The following STK33 variants were observed in gnomAD, a reference collection of about 807,000 sequenced individuals.
The protein encoded by STK33 is serine/threonine-protein kinase 33.
Under a neutral mutation model 58.0 loss-of-function variants are expected in STK33, and 52 were observed. The ratio of observed to expected loss-of-function variants is 0.90; its 90% CI spans 0.72 to 1.13. The LOEUF (loss-of-function observed/expected upper bound fraction) is 1.13. Among genes scored for constraint, STK33 ranks in the 50% most tolerant of loss-of-function variants. STK33 has a pLI of 0.00. For missense variants in STK33, 630 were observed against 604.2 expected, an observed-to-expected ratio of 1.04 and a Z score of -0.45; for synonymous variants, 215 against 200.1, an observed-to-expected ratio of 1.07 and a Z score of -0.63.
At chr11:8,553,205 A>ATATATATATATATATATATGGTGTG (rs1565347761) in intron 1 of STK33, among the ~76,000 whole-genome samples, 14 of 92,486 alleles carry the variant, frequency 1.5e-4, no homozygotes, top group Admixed American at 3.4e-4. Flanking sequence ...TATGGTGTAT[A>ATATATATATATATATATATGGTGTG]TATATATATA....
At chr11:8,404,263 TA>T (rs1381325574) in intron 15 of STK33, among the ~76,000 whole-genome samples, 3 of 152,224 alleles carry the variant, frequency 2.0e-5, no homozygotes, top group African/African-American at 7.2e-5. Context: ...GAGAAAAATA[TA>T]AATATCTTTC....
chr11:8,585,961 G>A (rs144204232), intron 1 of STK33, among the ~76,000 whole-genome samples: 8,128 of 152,200 alleles, frequency 0.053, 293 homozygotes, highest in Non-Finnish European at 0.071. Context: ...GCTGAGACAG[G>A]AGAATCGCTT....
chr11:8,549,061 C>A (rs1404453410), intron 1 of STK33, among the ~76,000 whole-genome samples: 1 of 152,056 alleles, frequency 6.6e-6, no homozygotes, highest in African/African-American at 2.4e-5. Flanking sequence ...CCTAAAGACT[C>A]CACCAAAAAA....
rs917052472 is a variant in STK33 at position 8,528,290 on chromosome 11, T to C, written c.-465-47676A>G. ...TGATAAAGTATCTAAAAAGTTACCG[T>C]AAGTTGTACAATTGTCCTTCACCAT... On this transcript the variant is annotated intron_variant, in intron 1 of 15. Transcript: ENST00000687296. 1.5e-4 allele frequency among the ~76,000 whole-genome samples: 23 copies of C among 152,260 alleles called. 1 individual carries two copies. The highest frequency in any genetic ancestry group is 3.3e-4 in the Admixed American group (5 of 15,282).
At chr11:8,486,848 G>C (rs569729965) in intron 1 of STK33, among the ~76,000 whole-genome samples, 3 of 152,160 alleles carry the variant, frequency 2.0e-5, no homozygotes, top group Admixed American at 6.5e-5. Flanking sequence ...ACAAATTCTA[G>C]AGGTATTTAA....
the STK33 span, among the ~76,000 whole-genome samples, chr11:8,339,966 A>G: frequency 2.0e-5 from 3 of 152,222 alleles, no homozygotes; most frequent in African/African-American, 7.2e-5. Flanking sequence ...GAGCTTGTGC[A>G]GAACCCGAGG....
In STK33 at chr11:8,440,667, A is replaced by C. The variant is rs755111351; in HGVS notation, c.947+11T>G. 2 of 1,555,358 alleles carry C rather than the reference A, an allele frequency of 1.3e-6. No homozygotes were observed. The highest frequency in any genetic ancestry group is 3.8e-5 in the Admixed American group (2 of 52,266). On this transcript the variant is annotated intron_variant, in intron 12 of 15. Transcript: ENST00000687296. ...ACTCATCTTAAAGTGTACATTTAGC[A>C]GGCTACTTACAACATGTACATTACG...
intron 1 of STK33, among the ~76,000 whole-genome samples, chr11:8,522,929 T>C (rs1174225973): frequency 2.0e-5 from 3 of 152,138 alleles, no homozygotes; most frequent in Non-Finnish European, 4.4e-5. Flanking sequence ...GTGCCTGGGA[T>C]TGCAGGCGCG....
chr11:8,412,929 C>G (rs1469464980), intron 15 of STK33, among the ~76,000 whole-genome samples: 1 of 152,108 alleles, frequency 6.6e-6, no homozygotes, highest in Non-Finnish European at 1.5e-5. Flanking sequence ...AAACTGCATT[C>G]AGAACTAATA....
At chr11:8,503,265 C>T (rs904679172) in intron 1 of STK33, among the ~76,000 whole-genome samples, 1 of 152,158 alleles carries the variant, frequency 6.6e-6, no homozygotes, top group African/African-American at 2.4e-5. Context: ...GGTACACATA[C>T]ACCATGGAAT....
rs1210968689 is a variant in STK33 at position 8,473,267 on chromosome 11, T to A, written c.235A>T (p.Thr79Ser). ...ITSRKDLPSR[T>S]SNVERKASQQ... is the part of the protein sequence containing the mutation. ...GATGCTTTTCTCTCTACATTTGAGG[T>A]TCTTGAGGGCTGGGACCAAAAAAAA... The change falls in exon 6 of 16, where the codon ACC (threonine) becomes TCC (serine). Residue 79 changes from threonine to serine, a missense_variant. Thr to Ser is a moderately conservative substitution (Grantham distance 58). Transcript: ENST00000687296. 3 of 1,605,638 alleles carry A rather than the reference T, an allele frequency of 1.9e-6. No homozygotes were observed. Among genetic ancestry groups the A allele is most frequent in the South Asian group, 1.1e-5 (1 of 88,976 alleles).
At chr11:8,416,898 T>G (rs77892166) in intron 14 of STK33, among the ~76,000 whole-genome samples, 4,943 of 152,280 alleles carry the variant, frequency 0.032, 292 homozygotes, top group African/African-American at 0.11. Flanking sequence ...TGTTGTCTAA[T>G]GTGCATCTGG....
At chr11:8,398,979 G>T (rs548437030) in intron 15 of STK33, among the ~76,000 whole-genome samples, 1 of 152,216 alleles carries the variant, frequency 6.6e-6, no homozygotes, top group African/African-American at 2.4e-5. Context: ...AGTCCTTAGA[G>T]ACCTACAAAG....
intron 1 of STK33, among the ~76,000 whole-genome samples, chr11:8,544,978 T>G (rs1252626119): frequency 6.6e-6 from 1 of 152,236 alleles, no homozygotes. Context: ...GACACGGTCC[T>G]GCTTACAGTC....
the STK33 span, among the ~76,000 whole-genome samples, chr11:8,359,804 G>T: frequency 1.3e-5 from 2 of 152,384 alleles, no homozygotes; most frequent in Non-Finnish European, 1.5e-5. Flanking sequence ...CACAGGGGTG[G>T]TCTAGCAGAA....
At chr11:8,465,410 A>G (rs575272114) in intron 6 of STK33, 1 of 152,296 alleles carries the variant, frequency 6.6e-6, no homozygotes, top group African/African-American at 2.4e-5. Flanking sequence ...CACTACCCAT[A>G]AAACCATCAT....
intron 1 of STK33, among the ~76,000 whole-genome samples, chr11:8,495,376 T>C (rs1329202278): frequency 1.3e-5 from 2 of 151,972 alleles, no homozygotes; most frequent in Non-Finnish European, 2.9e-5. Context: ...ATTAGAGAAA[T>C]GCAAATCAAA....
the STK33 span, among the ~76,000 whole-genome samples, chr11:8,379,907 G>C: frequency 6.6e-6 from 1 of 152,108 alleles, no homozygotes; most frequent in Non-Finnish European, 1.5e-5. Context: ...GTGTTAGTTT[G>C]CCAAGGATAA....
intron 1 of STK33, among the ~76,000 whole-genome samples, chr11:8,548,378 T>C (rs1956087420): frequency 6.6e-6 from 1 of 152,312 alleles, no homozygotes; most frequent in South Asian, 2.1e-4. Context: ...CTTTCCACAG[T>C]GTATGTTTCT....
Sources: gnomAD v4.1 joint callset for allele counts (sites outside exome capture counted in the v4.1 genomes callset) on GRCh38, gnomAD v4.1.1 for gene constraint, MANE v1.5 for transcripts, NCBI Gene and HGNC (gene_info 2026-07-23, HGNC 2026-07-21) for gene names.